ANK1: variants seen among roughly 807,000 people sequenced by gnomAD.
The protein encoded by ANK1 is ankyrin-1.
In ANK1, 51 loss-of-function variants were observed where a neutral mutation model predicts 210.4. That is an observed-to-expected ratio of 0.24 (90% CI 0.19 to 0.31). ANK1 has a LOEUF of 0.31. Among genes scored for constraint, ANK1 ranks in the 10% least tolerant of loss-of-function variants. The pLI, the probability that ANK1 is intolerant of heterozygous loss-of-function variation, is 1.00. For missense variants in ANK1, 2,051 were observed against 2,504.4 expected, an observed-to-expected ratio of 0.82 and a Z score of 3.86; for synonymous variants, 967 against 1,025.9, an observed-to-expected ratio of 0.94 and a Z score of 1.10.
intron 1 of ANK1, among the ~76,000 whole-genome samples, chr8:41,766,521 G>C (rs1484658264): frequency 3.9e-5 from 6 of 152,216 alleles, no homozygotes; most frequent in African/African-American, 1.4e-4. Context: ...ACGCCTGAGC[G>C]GAAGTGCTGG....
At chr8:41,679,718 A>G (rs1234427449) in intron 37 of ANK1, among the ~76,000 whole-genome samples, 2 of 148,642 alleles carry the variant, frequency 1.3e-5, no homozygotes, top group Non-Finnish European at 3.0e-5. Context: ...GCCCACCATC[A>G]CGCCAGGCTA....
rs554478412 is a variant in ANK1 at position 41,731,046 on chromosome 8, C to A, written c.228+2925G>T. 2.0e-5 allele frequency among the ~76,000 whole-genome samples: 3 copies of A among 152,294 alleles called. No individual in the cohort carries two copies. The South Asian group carries it at 6.2e-4, about 32-fold the overall frequency. On this transcript the variant is annotated intron_variant, in intron 3 of 42. Coordinates refer to ENST00000289734, the MANE Select transcript of ANK1 (RefSeq NM_000037.4). ...ACCTGGCTATGGATCTTGGTTCGGG[C>A]CAGCTGAGCCAACGGTAGCATAAGT... is the stretch of plus-strand genomic sequence containing the variant.
chr8:41,844,916 G>T (rs913219520), intron 1 of ANK1, among the ~76,000 whole-genome samples: 1 of 152,112 alleles, frequency 6.6e-6, no homozygotes, highest in African/African-American at 2.4e-5. Flanking sequence ...TCCTGTCCCC[G>T]GGATGCGCTT....
intron 1 of ANK1, among the ~76,000 whole-genome samples, chr8:41,845,645 AGAAG>A: frequency 6.6e-6 from 1 of 152,154 alleles, no homozygotes; most frequent in Non-Finnish European, 1.5e-5. Context: ...CTGTTAGTGA[AGAAG>A]GGAGAAATGA....
intron 1 of ANK1, among the ~76,000 whole-genome samples, chr8:41,832,323 T>C (rs1020373411): frequency 2.0e-5 from 3 of 149,202 alleles, no homozygotes; most frequent in Admixed American, 2.0e-4. Context: ...CCACTGCCAC[T>C]TCCCACCAGC....
At position 41,719,696 on chromosome 8, in the gene ANK1, G is replaced by A. The variant is rs1828751716; in HGVS notation, c.1072C>T (p.Leu358=). The A allele has an allele frequency of 6.2e-7, 1 of 1,614,206 alleles. No individual in the cohort carries two copies. Among genetic ancestry groups the A allele is most frequent in the Non-Finnish European group, 8.5e-7 (1 of 1,180,036 alleles). Residue 358 remains leucine (L), a synonymous_variant, in exon 10 of 43, where the codon CTG becomes TTG. Coordinates refer to ENST00000289734, the MANE Select transcript of ANK1 (RefSeq NM_000037.4). ...CGHHRVAKVL[L]DKGAKPNSRA... ...GAGTTGGGTTTGGCCCCTTTATCCA[G>A]AAGGACCTTAGCCACCCTGTGGTGT...
At chr8:41,748,113 G>A (rs1044903894) in intron 2 of ANK1, among the ~76,000 whole-genome samples, 2 of 152,124 alleles carry the variant, frequency 1.3e-5, no homozygotes, top group Non-Finnish European at 2.9e-5. Flanking sequence ...GGTGTCGCAG[G>A]TACCAGGTGC....
rs914969086 is a variant in ANK1 at position 41,654,323 on chromosome 8, C to G, written c.*1467G>C. 6.6e-6 allele frequency: 1 copy of G among 152,668 alleles called. No homozygotes were observed. The highest frequency in any genetic ancestry group is 2.4e-5 in the African/African-American group (1 of 41,454). 9.5% of individuals were successfully genotyped at this position (152,668 alleles called of 1,614,324 possible). On this transcript the variant is annotated 3_prime_UTR_variant, in exon 43 of 43. Coordinates refer to ENST00000289734, the MANE Select transcript of ANK1 (RefSeq NM_000037.4). ...GCCTTGACCCAGAGCCTGGCCCCGG[C>G]CTCTGGGCGTCCAGGCTCTCCGCCT...
chr8:41,720,968 CA>C (rs1294862679), intron 9 of ANK1, among the ~76,000 whole-genome samples: 1 of 152,182 alleles, frequency 6.6e-6, no homozygotes, highest in Non-Finnish European at 1.5e-5. Flanking sequence ...CCTGGGACTT[CA>C]GCTTTTAGAA....
rs1395128545 is a variant in ANK1, at chr8:41,715,665, G to A, written c.1589C>T (p.Ala530Val). Residue 530 changes from alanine to valine, a missense_variant, in exon 14 of 43, where the codon GCC (alanine) becomes GTC (valine). Ala to Val is a moderately conservative substitution (Grantham distance 64). Transcript: ENST00000289734. Reference protein sequence around the residue: ...LALLEKEASQACMTKKGFTPL... With the variant: ...LALLEKEASQVCMTKKGFTPL... ...GGGAGGCTGTACCTTGGTCATGCAG[G>A]CCTGGGATGCTTCCTTTTCCAGAAG... The A allele has an allele frequency of 3.7e-6, 6 of 1,613,474 alleles. No individual in the cohort carries two copies. The highest frequency in any genetic ancestry group is 5.1e-6 in the Non-Finnish European group (6 of 1,179,976).
At chr8:41,751,823 A>G (rs1837783184) in intron 2 of ANK1, among the ~76,000 whole-genome samples, 1 of 152,158 alleles carries the variant, frequency 6.6e-6, no homozygotes, top group Non-Finnish European at 1.5e-5. Flanking sequence ...CTCCATCAGC[A>G]TAAGCATCTC....
Position 41,717,692 on chromosome 8 carries a change from G to A in ANK1, c.1217C>T (p.Thr406Ile), listed in dbSNP as rs1828087782. The change falls in exon 12 of 43, where the codon ACA becomes ATA. Residue 406 changes from threonine (T) to isoleucine (I), a missense_variant. Around this residue, in one of 6 missense-constraint regions of ANK1, gnomAD observed 1,413 missense variants for 1,707.4 expected, o/e 0.83. Coordinates refer to ENST00000289734, the MANE Select transcript of ANK1 (RefSeq NM_000037.4). Reference sequence around the variant, plus strand: ...CATGAAGGAGGCCACGTGGAGAGGTGTCAGGCCAGACTGAAACAGACAAAG... The same window carrying A: ...CATGAAGGAGGCCACGTGGAGAGGTATCAGGCCAGACTGAAACAGACAAAG... ...SIDAVTESGL[T>I]PLHVASFMGH... The A allele has an allele frequency of 1.3e-6, 2 of 1,551,514 alleles. No individual in the cohort carries two copies. Among genetic ancestry groups the A allele is most frequent in the Non-Finnish European group, 1.7e-6 (2 of 1,146,974 alleles).
At chr8:41,733,524 C>T (rs1832715849) in intron 3 of ANK1, among the ~76,000 whole-genome samples, 1 of 152,214 alleles carries the variant, frequency 6.6e-6, no homozygotes, top group Admixed American at 6.5e-5. Context: ...ATCTCACTTA[C>T]TTTTCATACC....
At chr8:41,783,294 A>G (rs940160157) in intron 1 of ANK1, among the ~76,000 whole-genome samples, 1 of 152,170 alleles carries the variant, frequency 6.6e-6, no homozygotes, top group African/African-American at 2.4e-5. Flanking sequence ...CTCTGATCAA[A>G]TACTTCCCTC....
intron 1 of ANK1, among the ~76,000 whole-genome samples, chr8:41,891,009 T>C (rs1316779203): frequency 6.6e-6 from 1 of 152,232 alleles, no homozygotes; most frequent in African/African-American, 2.4e-5. Flanking sequence ...CAAGAACTTC[T>C]GCATGTGCAT....
At chr8:41,823,317 C>T (rs1027128340) in intron 1 of ANK1, among the ~76,000 whole-genome samples, 1 of 152,274 alleles carries the variant, frequency 6.6e-6, no homozygotes, top group African/African-American at 2.4e-5. Flanking sequence ...AAAAAAACCG[C>T]CCAACTTGGA....
chr8:41,815,308 G>A lies in ANK1; in HGVS notation c.127-57171C>T, dbSNP rs1335483368. On this transcript the variant is annotated intron_variant, in intron 1 of 42. Transcript: ENST00000265709. Reference sequence around the variant, plus strand: ...TTTTTTAAGGCAGATCACTCAAAAGGTGGAAAAAAAATTTCACTATCTCTT... The same window carrying A: ...TTTTTTAAGGCAGATCACTCAAAAGATGGAAAAAAAATTTCACTATCTCTT... Among the ~76,000 whole-genome samples the A allele has an allele frequency of 1.3e-4, 19 of 151,822 alleles. 1 individual carries two copies. The highest frequency in any genetic ancestry group is 1.1e-3 in the Admixed American group (17 of 15,262).
At chr8:41,731,982 C>T (rs780331460) in intron 3 of ANK1, among the ~76,000 whole-genome samples, 3 of 152,174 alleles carry the variant, frequency 2.0e-5, no homozygotes, top group Non-Finnish European at 4.4e-5. Flanking sequence ...TGGAATTTGA[C>T]ATAGAATTTG....
At chr8:41,796,298 G>A (rs1848714949) in intron 1 of ANK1, among the ~76,000 whole-genome samples, 1 of 151,926 alleles carries the variant, frequency 6.6e-6, no homozygotes, top group Admixed American at 6.6e-5. Context: ...TTTTCCATCG[G>A]CCATTCCTTA....
Sources: gnomAD v4.1 joint callset for allele counts (sites outside exome capture counted in the v4.1 genomes callset) on GRCh38, gnomAD v4.1.1 for gene constraint, gnomAD v4.1.1 regional missense constraint, MANE v1.5 for transcripts, NCBI Gene and HGNC (gene_info 2026-07-23, HGNC 2026-07-21) for gene names.